Variants in L3MBTL3 observed in about 807,000 individuals in gnomAD.
L3MBTL3 encodes the protein lethal(3)malignant brain tumor-like protein 3.
A neutral mutation model predicts 102.3 loss-of-function variants in L3MBTL3; 27 were observed. The observed-to-expected ratio is 0.26, with a 90% confidence interval of 0.19 to 0.36. The LOEUF is 0.36. Among genes scored for constraint, L3MBTL3 ranks in the 10% least tolerant of loss-of-function variants. The pLI, the probability that L3MBTL3 is intolerant of heterozygous loss-of-function variation, is 1.00. For missense variants in L3MBTL3, 798 were observed against 955.3 expected, an observed-to-expected ratio of 0.84 and a Z score of 2.17; for synonymous variants, 340 against 320.9, an observed-to-expected ratio of 1.06 and a Z score of -0.64.
At chr6:130,114,333 C>G (rs972592780) in intron 19 of L3MBTL3, among the ~76,000 whole-genome samples, 1 of 152,196 alleles carries the variant, frequency 6.6e-6, no homozygotes, top group African/African-American at 2.4e-5. Flanking sequence ...GGATCTTACT[C>G]TATCTCCTTG....
chr6:130,085,800 A>C (rs763474036), intron 15 of L3MBTL3, among the ~76,000 whole-genome samples: 5 of 152,010 alleles, frequency 3.3e-5, no homozygotes, highest in Non-Finnish European at 7.4e-5. Flanking sequence ...TCTGTTGCCC[A>C]GGCTGGAGTG....
intron 20 of L3MBTL3, among the ~76,000 whole-genome samples, chr6:130,127,628 G>A (rs1398912902): frequency 6.6e-6 from 1 of 151,940 alleles, no homozygotes; most frequent in Non-Finnish European, 1.5e-5. Flanking sequence ...TTTTTTAGAG[G>A]GATGAAATAA....
Position 130,023,724 on chromosome 6 carries a change from TATC to T in L3MBTL3, c.-16+1422_-16+1424del, listed in dbSNP as rs576151074. Among the ~76,000 whole-genome samples the T allele has an allele frequency of 8.5e-5, 13 of 152,326 alleles. No homozygotes were observed. In the South Asian group the frequency reaches 2.7e-3, roughly 32 times the overall value. On this transcript the variant is annotated intron_variant, in intron 2 of 22. Coordinates refer to ENST00000361794, the MANE Select transcript of L3MBTL3 (RefSeq NM_032438.4). ...GAGTTATTCAGATGTATAGTGGTCA[TATC>T]ATTTTACCTTCGTCCAGCTTTATGA...
chr6:130,093,024 TAA>T (rs1454275209), intron 17 of L3MBTL3, among the ~76,000 whole-genome samples, 165 bp downstream of exon 17: 31 of 152,102 alleles, frequency 2.0e-4, no homozygotes, highest in Non-Finnish European at 1.5e-4. Flanking sequence ...CACAGAAATA[TAA>T]ATGGAAAAAA....
chr6:130,130,061 A>C (rs1786899637), intron 20 of L3MBTL3, among the ~76,000 whole-genome samples: 1 of 152,212 alleles, frequency 6.6e-6, no homozygotes, highest in Admixed American at 6.6e-5. Flanking sequence ...GGAAAGTCTT[A>C]ATGCGAAGGA....
At chr6:130,036,527 G>A (rs1398819816) in intron 2 of L3MBTL3, among the ~76,000 whole-genome samples, 3 of 152,174 alleles carry the variant, frequency 2.0e-5, no homozygotes, top group South Asian at 2.1e-4. Flanking sequence ...CATATTCTGA[G>A]TATTTCTTAA....
intron 12 of L3MBTL3, chr6:130,070,770 G>T: frequency 3.3e-6 from 1 of 298,774 alleles, no homozygotes; most frequent in South Asian, 1.4e-4. Context: ...CTAATTGGGT[G>T]TAACAGTAGG....
intron 19 of L3MBTL3, among the ~76,000 whole-genome samples, chr6:130,108,485 G>A (rs544544036): frequency 2.6e-5 from 4 of 151,820 alleles, no homozygotes; most frequent in Admixed American, 6.5e-5. Flanking sequence ...CTGTTGCCTC[G>A]GCCTCCCAAA....
intron 8 of L3MBTL3, among the ~76,000 whole-genome samples, chr6:130,056,525 A>G (rs1472750985): frequency 6.6e-6 from 1 of 152,108 alleles, no homozygotes; most frequent in Non-Finnish European, 1.5e-5. Flanking sequence ...AATTCCTCAA[A>G]AAACTGGAAA....
At chr6:130,030,803 G>A (rs1035248074) in intron 2 of L3MBTL3, among the ~76,000 whole-genome samples, 3 of 151,106 alleles carry the variant, frequency 2.0e-5, no homozygotes, top group Non-Finnish European at 4.4e-5. Flanking sequence ...GGTAAAATCT[G>A]TTTCTTAGCT....
chr6:130,058,530 C>G (rs1484952998), intron 9 of L3MBTL3, among the ~76,000 whole-genome samples: 1 of 151,926 alleles, frequency 6.6e-6, no homozygotes, highest in African/African-American at 2.4e-5. Flanking sequence ...TTGCAGTGAG[C>G]TGCAATCCTG....
intron 8 of L3MBTL3, among the ~76,000 whole-genome samples, chr6:130,056,480 C>T (rs1036995811): frequency 2.0e-5 from 3 of 152,214 alleles, no homozygotes; most frequent in Non-Finnish European, 4.4e-5. Flanking sequence ...GGTGCTTCTC[C>T]TCAGTGCCGG....
chr6:130,045,783 A>T (rs777872525), intron 3 of L3MBTL3, among the ~76,000 whole-genome samples: 18 of 152,202 alleles, frequency 1.2e-4, no homozygotes, highest in Non-Finnish European at 1.5e-4. Flanking sequence ...AATATGTAGG[A>T]GTCTCCATGA....
At chr6:130,019,131 G>A (rs940489027) in intron 1 of L3MBTL3, among the ~76,000 whole-genome samples, 1 of 151,578 alleles carries the variant, frequency 6.6e-6, no homozygotes, top group Non-Finnish European at 1.5e-5. Flanking sequence ...GCAGGCGGCG[G>A]GATGCGTGTG....
chr6:130,093,403 G>A (rs1784173822), intron 17 of L3MBTL3, among the ~76,000 whole-genome samples: 1 of 152,154 alleles, frequency 6.6e-6, no homozygotes, highest in Non-Finnish European at 1.5e-5. Context: ...CAAAACAAAT[G>A]TAGGAAATAC....
intron 10 of L3MBTL3, among the ~76,000 whole-genome samples, chr6:130,061,330 C>T (rs1279782735): frequency 6.6e-6 from 1 of 152,154 alleles, no homozygotes; most frequent in Non-Finnish European, 1.5e-5. Context: ...GGTGATCTGC[C>T]TCAGCCTCCC....
At chr6:130,099,305 C>G (rs886391092) in intron 18 of L3MBTL3, among the ~76,000 whole-genome samples, 5 of 152,096 alleles carry the variant, frequency 3.3e-5, no homozygotes, top group Non-Finnish European at 5.9e-5. Flanking sequence ...TACATGTGCA[C>G]GTGTCTAACC....
At chr6:130,101,669 T>G (rs1262819149) in intron 18 of L3MBTL3, among the ~76,000 whole-genome samples, 1 of 152,220 alleles carries the variant, frequency 6.6e-6, no homozygotes, top group Non-Finnish European at 1.5e-5. Context: ...CCCAGCAGCC[T>G]CCTCCTGTGC....
intron 8 of L3MBTL3, among the ~76,000 whole-genome samples, chr6:130,055,619 CCT>C (rs1164066336): frequency 6.1e-5 from 6 of 98,316 alleles, no homozygotes; most frequent in African/African-American, 2.0e-4. Context: ...TCCGCCTCTC[CCT>C]GTCTCCCTCC....
Sources: allele counts gnomAD v4.1 joint callset (sites outside exome capture counted in the v4.1 genomes callset), GRCh38; gene constraint gnomAD v4.1.1; transcripts MANE v1.5; gene names NCBI Gene and HGNC (gene_info 2026-07-23, HGNC 2026-07-21).